The following ERI1 variants were observed in gnomAD, a reference collection of about 807,000 sequenced individuals.
ERI1 encodes 3'-5' exoribonuclease 1.
Under a neutral mutation model 39.7 loss-of-function variants are expected in ERI1, and 39 were observed. The ratio of observed to expected loss-of-function variants is 0.98; its 90% CI spans 0.76 to 1.28. The LOEUF (loss-of-function observed/expected upper bound fraction) is 1.28. Among genes scored for constraint, ERI1 ranks in the 50% most tolerant of loss-of-function variants. ERI1 has a pLI of 0.00. For synonymous variants in ERI1, 204 were observed against 149.6 expected, an observed-to-expected ratio of 1.36 and a Z score of -2.65; for missense variants, 581 against 416.9, an observed-to-expected ratio of 1.39 and a Z score of -3.43.
At chr8:9,023,335 G>T (rs770061951) in intron 6 of ERI1, among the ~76,000 whole-genome samples, 2 of 152,086 alleles carry the variant, frequency 1.3e-5, no homozygotes, top group East Asian at 1.9e-4. Flanking sequence ...TTATACTCCA[G>T]TTGAGAAGCT....
intron 3 of ERI1, among the ~76,000 whole-genome samples, chr8:9,060,124 A>G (rs1045768293): frequency 7.2e-5 from 11 of 152,258 alleles, no homozygotes; most frequent in Admixed American, 5.2e-4. Context: ...AATATTGAGG[A>G]TGGTAAGGGG....
chr8:9,084,874 C>T (rs761798131), intron 3 of ERI1, among the ~76,000 whole-genome samples: 3 of 152,118 alleles, frequency 2.0e-5, no homozygotes, highest in African/African-American at 7.2e-5. Flanking sequence ...GCACTTCAGT[C>T]GCTCAGGAGA....
At chr8:9,005,667 C>A (rs1815928814) in intron 1 of ERI1, among the ~76,000 whole-genome samples, 1 of 151,942 alleles carries the variant, frequency 6.6e-6, no homozygotes. Context: ...GGCGCCCGCC[C>A]GGCTAATTTT....
At chr8:9,008,240 T>C in intron 2 of ERI1, 92 bp downstream of exon 2, 1 of 1,116,306 alleles carries the variant, frequency 9.0e-7, no homozygotes, top group Non-Finnish European at 1.2e-6. Flanking sequence ...TCATCTGTAA[T>C]CCTACCGTAA....
chr8:9,053,682 C>T (rs1225407387), intron 3 of ERI1, among the ~76,000 whole-genome samples: 6 of 152,106 alleles, frequency 3.9e-5, no homozygotes, highest in African/African-American at 1.2e-4. Flanking sequence ...CCCCACTGGC[C>T]CTGGACGTTT....
intron 3 of ERI1, among the ~76,000 whole-genome samples, chr8:9,084,255 T>G (rs1799458960): frequency 6.6e-6 from 1 of 152,138 alleles, no homozygotes; most frequent in Non-Finnish European, 1.5e-5. Flanking sequence ...ACAGTGAGAT[T>G]GAGACCCTGT....
At chr8:9,020,644 C>A (rs909106317) in intron 6 of ERI1, among the ~76,000 whole-genome samples, 180 bp downstream of exon 6, 1 of 152,156 alleles carries the variant, frequency 6.6e-6, no homozygotes, top group Non-Finnish European at 1.5e-5. Context: ...TCTCATTCAA[C>A]CTGTTAACTT....
At chr8:9,024,220 A>T (rs1818228355) in intron 6 of ERI1, among the ~76,000 whole-genome samples, 1 of 152,174 alleles carries the variant, frequency 6.6e-6, no homozygotes, top group African/African-American at 2.4e-5. Flanking sequence ...TTCGCTTAGG[A>T]TGGGACTTGG....
rs989701626 is a variant in ERI1, at chr8:9,014,767, G to C, written c.499-1555G>C. On this transcript the variant is annotated intron_variant, in intron 3 of 6. Coordinates refer to ENST00000250263, the MANE Select transcript of ERI1 (RefSeq NM_153332.4). ...AGACTTAATTTATCTGTGATATGCAGTTAAGTGGAATGTTGCAGTGTATCC... is the reference window on the plus strand; with the variant it reads ...AGACTTAATTTATCTGTGATATGCACTTAAGTGGAATGTTGCAGTGTATCC... Among the ~76,000 whole-genome samples, 12 of 152,318 alleles carry C rather than the reference G, an allele frequency of 7.9e-5. No homozygotes were observed. In the East Asian group the frequency reaches 2.3e-3, roughly 29 times the overall value.
intron 3 of ERI1, among the ~76,000 whole-genome samples, chr8:9,045,359 C>T (rs181571037): frequency 8.5e-5 from 13 of 152,142 alleles, no homozygotes; most frequent in Non-Finnish European, 1.8e-4. Flanking sequence ...ATCCCACTTA[C>T]GTATACTTGC....
At chr8:9,014,770 A>C (rs994644048) in intron 3 of ERI1, among the ~76,000 whole-genome samples, 6 of 152,222 alleles carry the variant, frequency 3.9e-5, no homozygotes, top group African/African-American at 1.4e-4. Context: ...ATATGCAGTT[A>C]AGTGGAATGT....
chr8:9,005,808 A>G (rs1038144794), intron 1 of ERI1, among the ~76,000 whole-genome samples: 1 of 152,210 alleles, frequency 6.6e-6, no homozygotes, highest in Non-Finnish European at 1.5e-5. Flanking sequence ...CGACAGTTTT[A>G]AAGTAGTTTG....
At chr8:9,004,231 C>G (rs750018671) in intron 1 of ERI1, 3 of 1,248,026 alleles carry the variant, frequency 2.4e-6, no homozygotes, top group Admixed American at 2.6e-5. Context: ...CATCCCTTCT[C>G]TTGTAAAGAA....
At chr8:9,022,397 G>A (rs1210696834) in intron 6 of ERI1, among the ~76,000 whole-genome samples, 1 of 151,976 alleles carries the variant, frequency 6.6e-6, no homozygotes, top group African/African-American at 2.4e-5. Context: ...AATTTATTTT[G>A]TTTTTTGGTT....
chr8:9,028,597 G>C (rs541448994), intron 6 of ERI1, among the ~76,000 whole-genome samples: 1 of 152,056 alleles, frequency 6.6e-6, no homozygotes, highest in Admixed American at 6.6e-5. Flanking sequence ...AACAAATCTT[G>C]ATAGAAATAT....
intron 3 of ERI1, among the ~76,000 whole-genome samples, chr8:9,064,001 G>A (rs1294204735): frequency 6.6e-6 from 1 of 151,782 alleles, no homozygotes; most frequent in African/African-American, 2.4e-5. Flanking sequence ...GGGTTCAGGG[G>A]TTCTTACCCT....
intron 6 of ERI1, among the ~76,000 whole-genome samples, chr8:9,027,482 A>C (rs1563334408): frequency 2.0e-5 from 3 of 152,034 alleles, no homozygotes; most frequent in African/African-American, 4.8e-5. Flanking sequence ...AAGGTTTTTA[A>C]TGTTGATGAA....
At position 9,041,739 on chromosome 8, in the gene ERI1, A is replaced by T. The variant is rs1798026269; in HGVS notation, n.299+21275A>T. On this transcript the variant is annotated intron_variant and non_coding_transcript_variant, in intron 3 of 3. Transcript: ENST00000518663. ...GTGGCTGCATTTAAAAACTAGAGAG[A>T]TTTCTTTCTTTTTAGACAGAGTTTC... Among the ~76,000 whole-genome samples the T allele has an allele frequency of 2.0e-5, 3 of 152,070 alleles. No individual in the cohort carries two copies. The South Asian group carries it at 6.2e-4, about 32-fold the overall frequency.
At chr8:9,034,469 C>G (rs1372757390), downstream of ERI1, among the ~76,000 whole-genome samples, 1 of 152,144 alleles carries the variant, frequency 6.6e-6, no homozygotes, top group African/African-American at 2.4e-5. Flanking sequence ...TTTGGTAATT[C>G]TCCCTATATT....
Sources: gnomAD v4.1 joint callset for allele counts (sites outside exome capture counted in the v4.1 genomes callset) on GRCh38, gnomAD v4.1.1 for gene constraint, MANE v1.5 for transcripts, NCBI Gene and HGNC (gene_info 2026-07-23, HGNC 2026-07-21) for gene names.